CACNA1A: variants seen among roughly 807,000 people sequenced by gnomAD.
The protein encoded by CACNA1A is voltage-dependent P/Q-type calcium channel subunit alpha-1A.
A neutral mutation model predicts 262.4 loss-of-function variants in CACNA1A; 57 were observed. The observed-to-expected ratio is 0.22, with a 90% CI of 0.18 to 0.27. The LOEUF (loss-of-function observed/expected upper bound fraction) is 0.27. Among genes scored for constraint, CACNA1A ranks in the 10% least tolerant of loss-of-function variants. CACNA1A has a pLI of 1.00. For synonymous variants in CACNA1A, 1,431 were observed against 1,419.3 expected (o/e 1.01, Z -0.18); for missense variants, 2,526 against 3,562.8 (o/e 0.71, Z 7.41).
intron 12 of CACNA1A, among the ~76,000 whole-genome samples, chr19:13,309,942 A>G (rs2057985393): frequency 6.6e-6 from 1 of 152,100 alleles, no homozygotes; most frequent in African/African-American, 2.4e-5. Flanking sequence ...CATCACCCCC[A>G]AAGGAGGCCC....
rs201998077 is a variant in CACNA1A, at chr19:13,299,182, C to T, written c.2451G>A (p.Thr817=). Residue 817 remains threonine, a synonymous_variant, in exon 19 of 47, where the codon ACG becomes ACA. Coordinates refer to ENST00000360228, the MANE Select transcript of CACNA1A (RefSeq NM_001127222.2). ...CCACCACCAGCGGCCGGTCCAAGTG[C>T]GTCTTCATGTCTGGCCGCAGGTGCC... is the stretch of plus-strand genomic sequence containing the variant. The part of the protein sequence containing the change: ...YTRHLRPDMK[T]HLDRPLVVDP... 1.2e-6 allele frequency: 2 copies of T among 1,612,908 alleles called. No homozygotes were observed. The highest frequency in any genetic ancestry group is 1.3e-5 in the African/African-American group (1 of 75,064).
In CACNA1A at chr19:13,207,655, A is replaced by C; in HGVS notation, c.7179T>G (p.Ser2393=). ...CRHGGARWPA[S]GPHVSEGPPG... ...GGGGCCCCTCGGACACGTGCGGGCC[A>C]GATGCCGGCCACCGGGCCCCGCCGT... The change falls in exon 47 of 47, where the codon TCT becomes TCG. Residue 2393 remains serine, a synonymous_variant. Transcript: ENST00000360228. This position sits in a 1 kb window ranked among gnomAD's most constrained non-coding sequence, Gnocchi z 5.7. 1 of 1,449,680 alleles carries C rather than the reference A, an allele frequency of 6.9e-7. No individual in the cohort carries two copies. The highest frequency in any genetic ancestry group is 9.1e-7 in the Non-Finnish European group (1 of 1,100,652). The allele number at this position is 1,449,680 out of a possible 1,614,324, so 89.8% of individuals were successfully genotyped here.
intron 30 of CACNA1A, among the ~76,000 whole-genome samples, chr19:13,247,578 T>C (rs2056275180): frequency 6.6e-6 from 1 of 151,938 alleles, no homozygotes; most frequent in South Asian, 2.1e-4. Context: ...TGCGCGCCTG[T>C]AGTCCCAGCT....
chr19:13,442,073 G>C (rs2144883485), intron 3 of CACNA1A, among the ~76,000 whole-genome samples: 1 of 152,200 alleles, frequency 6.6e-6, no homozygotes, highest in East Asian at 1.9e-4. Context: ...AGCTGTCCAG[G>C]GTGCTGAAAC....
intron 21 of CACNA1A, 26 bp downstream of exon 21, chr19:13,285,042 C>A: frequency 6.2e-7 from 1 of 1,613,690 alleles, no homozygotes; most frequent in South Asian, 1.1e-5. Context: ...CAGGCCCCCC[C>A]TGCCCTTGCT....
At chr19:13,346,756 T>C (rs1398840010) in intron 6 of CACNA1A, among the ~76,000 whole-genome samples, 1 of 131,640 alleles carries the variant, frequency 7.6e-6, no homozygotes, top group Non-Finnish European at 1.6e-5. Context: ...CTCGGCTAAC[T>C]GTAACCTCTG....
rs1452665386 is a variant in CACNA1A, at chr19:13,207,683, C to T, written c.7151G>A (p.Arg2384Gln). The stretch of plus-strand genomic sequence containing the variant: ...TGCCGGCCACCGGGCCCCGCCGTGT[C>T]GACAGGCCCTGGGGGACTCGCTCCG... Reference protein sequence around the residue: ...PARSESPRACRHGGARWPASG... With the variant: ...PARSESPRACQHGGARWPASG... Residue 2384 changes from arginine to glutamine, a missense_variant, in exon 47 of 47, where the codon CGA becomes CAA. Around this residue, in one of 17 missense-constraint regions of CACNA1A, gnomAD observed 929 missense variants for 868.1 expected, o/e 1.07. Coordinates refer to ENST00000360228, the MANE Select transcript of CACNA1A (RefSeq NM_001127222.2). The surrounding 1 kb of genome is among the most constrained non-coding windows in gnomAD (Gnocchi z 5.7). 2.1e-6 allele frequency: 3 copies of T among 1,420,566 alleles called. No homozygotes were observed. The highest frequency in any genetic ancestry group is 1.5e-5 in the African/African-American group (1 of 66,752). 88.0% of individuals were successfully genotyped at this position (1,420,566 alleles called of 1,614,324 possible). A position where few individuals can be genotyped will look rare whatever the true frequency, so the allele number is the denominator to read the frequency against.
chr19:13,315,613 C>A (rs1160697143), intron 11 of CACNA1A: 3 of 152,108 alleles, frequency 2.0e-5, no homozygotes. Context: ...TCCAGAGGGA[C>A]TAAAAACAAT....
intron 1 of CACNA1A, among the ~76,000 whole-genome samples, chr19:13,499,307 T>C (rs193154606): frequency 2.6e-5 from 4 of 151,952 alleles, no homozygotes. Context: ...CTCAAGGGAA[T>C]AGAAAAATGG....
At chr19:13,326,088 G>A (rs111399651) in intron 10 of CACNA1A, among the ~76,000 whole-genome samples, 20,796 of 152,040 alleles carry the variant, frequency 0.14, 1,983 homozygotes, top group Non-Finnish European at 0.2. Flanking sequence ...GGCTGAGGTG[G>A]GCAGATCACT....
At chr19:13,411,738 G>T (rs190370877) in intron 3 of CACNA1A, among the ~76,000 whole-genome samples, 134 of 151,034 alleles carry the variant, frequency 8.9e-4, no homozygotes, top group East Asian at 6.3e-3. Flanking sequence ...TTGAGACAGG[G>T]TCTCACTTTG....
rs371060261 is a variant in CACNA1A, at chr19:13,257,410, G to A, written c.4530C>T (p.Ile1510=). The part of the protein sequence containing the change: ...FFVNIFVALI[I]ITFQEQGDKM... ...TGTCCCCTTGCTCCTGGAAGGTGAT[G>A]ATGATCAAGGCCACAAAGATATTGA... The change falls in exon 28 of 47, where the codon ATC becomes ATT. Residue 1510 remains isoleucine (I), a synonymous_variant. Coordinates refer to ENST00000360228, the MANE Select transcript of CACNA1A (RefSeq NM_001127222.2). The A allele has an allele frequency of 3.7e-6, 6 of 1,613,876 alleles. No homozygotes were observed. In the African/African-American group the frequency reaches 8.0e-5, roughly 22 times the overall value.
chr19:13,221,529 C>T (rs955209083), intron 38 of CACNA1A, among the ~76,000 whole-genome samples: 5 of 151,552 alleles, frequency 3.3e-5, no homozygotes, highest in African/African-American at 1.2e-4. Flanking sequence ...CTCAGGTCCC[C>T]GTTTCTTCTG....
intron 1 of CACNA1A, among the ~76,000 whole-genome samples, chr19:13,468,668 T>A (rs2061297280): frequency 6.6e-6 from 1 of 152,134 alleles, no homozygotes; most frequent in Non-Finnish European, 1.5e-5. Context: ...GTGCTTGTAA[T>A]CCCAGCTACT....
chr19:13,298,520 G>T, intron 19 of CACNA1A, 24 bp downstream of exon 19: 1 of 1,525,844 alleles, frequency 6.6e-7, no homozygotes, highest in Non-Finnish European at 8.9e-7. Flanking sequence ...GTCATTCTGC[G>T]GATTCGAGGT....
At chr19:13,267,203 T>C (rs2056884424) in intron 24 of CACNA1A, among the ~76,000 whole-genome samples, 2 of 152,120 alleles carry the variant, frequency 1.3e-5, no homozygotes, top group South Asian at 2.1e-4. Context: ...CTCCTGGTGA[T>C]GTGGCATCGG....
chr19:13,216,232 G>C (rs554322551), intron 38 of CACNA1A, among the ~76,000 whole-genome samples: 2 of 151,750 alleles, frequency 1.3e-5, no homozygotes, highest in African/African-American at 4.9e-5. Context: ...TGAGTACATG[G>C]GGGGGTTCCT....
chr19:13,457,853 CAAAAAAA>C (rs775895393), intron 1 of CACNA1A, among the ~76,000 whole-genome samples: 2 of 58,672 alleles, frequency 3.4e-5, no homozygotes, highest in Admixed American at 1.9e-4. Context: ...AACTCCGTTT[CAAAAAAA>C]AAAAAAAAAA....
At chr19:13,356,646 CAT>C (rs1216219059) in intron 6 of CACNA1A, among the ~76,000 whole-genome samples, 11 of 152,202 alleles carry the variant, frequency 7.2e-5, no homozygotes, top group Non-Finnish European at 1.6e-4. Flanking sequence ...AACCCTGTGA[CAT>C]ATCCCTTTTT....
Sources: allele counts gnomAD v4.1 joint callset (sites outside exome capture counted in the v4.1 genomes callset), GRCh38; gene constraint gnomAD v4.1.1; regional missense constraint gnomAD v4.1.1; non-coding constraint Gnocchi (gnomAD v3.1); transcripts MANE v1.5; gene names NCBI Gene and HGNC (gene_info 2026-07-23, HGNC 2026-07-21).